Variants in NFIC observed in about 807,000 individuals in gnomAD.
NFIC encodes nuclear factor I C, also known as nuclear factor 1 C-type.
NFIC carries 12 observed loss-of-function variants against 54.4 expected under a neutral mutation model. The observed-to-expected ratio is 0.22, with a 90% confidence interval of 0.14 to 0.36. The LOEUF (loss-of-function observed/expected upper bound fraction) is 0.36, where lower values mean the gene tolerates loss of function less well. Ranked by LOEUF, NFIC falls within the 10% of genes least tolerant of loss-of-function variation. The pLI, the probability that NFIC is intolerant of heterozygous loss-of-function variation, is 1.00. For synonymous variants in NFIC, 322 were observed against 319.2 expected (o/e 1.01, Z -0.09); for missense variants, 575 against 718.2 (o/e 0.80, Z 2.28).
chr19:3,430,244 CT>C (rs869061995), intron 3 of NFIC, among the ~76,000 whole-genome samples: 594 of 142,564 alleles, frequency 4.2e-3, no homozygotes, highest in Non-Finnish European at 4.4e-3. Flanking sequence ...CAGAACCTTT[CT>C]TTTTTTTTTT....
chr19:3,395,985 A>G (rs2081456376), intron 2 of NFIC, among the ~76,000 whole-genome samples: 1 of 152,062 alleles, frequency 6.6e-6, no homozygotes, highest in South Asian at 2.1e-4. Flanking sequence ...CGTAGACAGG[A>G]GGTCTCACTA....
intron 4 of NFIC, 40 bp from the exon 5 acceptor site, chr19:3,434,237 C>T (rs1298921820): frequency 6.3e-7 from 1 of 1,587,370 alleles, no homozygotes. Flanking sequence ...CAGCACTGGG[C>T]ACTGCTTCCT....
chr19:3,385,611 C>T (rs2081284847), intron 2 of NFIC, among the ~76,000 whole-genome samples: 1 of 133,312 alleles, frequency 7.5e-6, no homozygotes, highest in Non-Finnish European at 1.5e-5. Flanking sequence ...CTTGCTCTGT[C>T]TCCCAGGCTG....
chr19:3,377,279 A>G (rs1287375247), intron 1 of NFIC, among the ~76,000 whole-genome samples: 1 of 131,898 alleles, frequency 7.6e-6, no homozygotes, highest in Non-Finnish European at 1.6e-5. Flanking sequence ...GTTTGCAGTG[A>G]GCTGAGATCG....
At chr19:3,456,367 C>A (rs1266060299) in intron 9 of NFIC, among the ~76,000 whole-genome samples, 183 bp from the exon 10 acceptor site, 5 of 152,196 alleles carry the variant, frequency 3.3e-5, no homozygotes, top group African/African-American at 1.2e-4. Context: ...TCCCAAGGAC[C>A]TTGGGCCTTT....
rs781703569 is a variant in NFIC, at chr19:3,392,067, C to CTTTTT, written c.562+9842_562+9846dup. 3.7e-4 allele frequency among the ~76,000 whole-genome samples: 37 copies of CTTTTT among 101,302 alleles called. 2 individuals are homozygous for CTTTTT. Among genetic ancestry groups the CTTTTT allele is most frequent in the Middle Eastern group, 6.6e-3 (1 of 152 alleles). The allele number at this position is 101,302 out of a possible 152,430, so 66.5% of individuals were successfully genotyped here. A position where few individuals can be genotyped will look rare whatever the true frequency, so the allele number is the denominator to read the frequency against. Reference sequence around the variant, plus strand: ...TAGCAATTTAAATGAGATAATAGCTCTTTTTTTTTTTTTTTTTTTTTTGAG... The same window carrying CTTTTT: ...TAGCAATTTAAATGAGATAATAGCTCTTTTTTTTTTTTTTTTTTTTTTTTTTTGAG... On this transcript the variant is annotated intron_variant, in intron 2 of 10. Transcript: ENST00000443272.
At chr19:3,417,446 TC>T (rs2081879337) in intron 2 of NFIC, among the ~76,000 whole-genome samples, 1 of 151,964 alleles carries the variant, frequency 6.6e-6, no homozygotes, top group African/African-American at 2.4e-5. Flanking sequence ...CAGTAAAAAC[TC>T]AGCAGATGGA....
chr19:3,428,524 G>A (rs2082063949), intron 3 of NFIC, among the ~76,000 whole-genome samples: 1 of 151,920 alleles, frequency 6.6e-6, no homozygotes, highest in African/African-American at 2.4e-5. Context: ...GGAAGGACCG[G>A]AACAGGCATG....
intron 1 of NFIC, among the ~76,000 whole-genome samples, chr19:3,372,415 G>A (rs867779241): frequency 2.0e-5 from 3 of 152,280 alleles, no homozygotes; most frequent in Admixed American, 6.5e-5. Context: ...ACATGGGGGT[G>A]CATGGATAAG....
chr19:3,423,167 C>A (rs538190632), intron 2 of NFIC, among the ~76,000 whole-genome samples: 1 of 152,110 alleles, frequency 6.6e-6, no homozygotes, highest in South Asian at 2.1e-4. Flanking sequence ...CACTGCATTC[C>A]AGCCTGGGAG....
Position 3,468,840 on chromosome 19 carries a change from G to C in NFIC, c.*6071G>C, listed in dbSNP as rs185090028. 1 of 152,136 alleles carries C rather than the reference G, an allele frequency of 6.6e-6. No individual in the cohort carries two copies. Among genetic ancestry groups the C allele is most frequent in the Non-Finnish European group, 1.5e-5 (1 of 68,052 alleles). 9.4% of individuals were successfully genotyped at this position (152,136 alleles called of 1,614,324 possible). On this transcript the variant is annotated 3_prime_UTR_variant, in exon 11 of 11. Coordinates refer to ENST00000443272, the MANE Select transcript of NFIC (RefSeq NM_001245002.2). ...ACAAAAATGCTCATGAACCCAATCCGGAGAAGGTTCCAGCAGGTCCCCCAC... is the reference window on the plus strand; with the variant it reads ...ACAAAAATGCTCATGAACCCAATCCCGAGAAGGTTCCAGCAGGTCCCCCAC...
chr19:3,394,011 C>CGCGA (rs1179269485), intron 2 of NFIC, among the ~76,000 whole-genome samples: 3 of 151,220 alleles, frequency 2.0e-5, no homozygotes, highest in African/African-American at 7.3e-5. Flanking sequence ...GGTGCAATCT[C>CGCGA]GGCTCACTGC....
At chr19:3,404,632 G>A (rs2081614351) in intron 2 of NFIC, among the ~76,000 whole-genome samples, 1 of 151,836 alleles carries the variant, frequency 6.6e-6, no homozygotes. Flanking sequence ...CCGGGTGCCC[G>A]AGGCCGGTGC....
chr19:3,448,275 G>A (rs779543128), intron 6 of NFIC, among the ~76,000 whole-genome samples: 1 of 152,182 alleles, frequency 6.6e-6, no homozygotes, highest in African/African-American at 2.4e-5. Flanking sequence ...GTTTCACCAT[G>A]TTGGCCAGGC....
At chr19:3,430,545 C>T (rs1446353743) in intron 3 of NFIC, among the ~76,000 whole-genome samples, 1 of 151,894 alleles carries the variant, frequency 6.6e-6, no homozygotes, top group Non-Finnish European at 1.5e-5. Context: ...CATTTCATCC[C>T]CCCTAAAAGA....
chr19:3,401,405 A>T (rs2081553029), intron 2 of NFIC, among the ~76,000 whole-genome samples: 1 of 152,124 alleles, frequency 6.6e-6, no homozygotes. Flanking sequence ...ACAGAGGCAG[A>T]GGAGGGGGCA....
chr19:3,377,110 C>A (rs929965138), intron 1 of NFIC, among the ~76,000 whole-genome samples: 2 of 151,066 alleles, frequency 1.3e-5, no homozygotes, highest in Non-Finnish European at 3.0e-5. Flanking sequence ...AGGCGGATCA[C>A]GAGGTCAGGA....
chr19:3,384,286 C>G (rs545145866), intron 2 of NFIC, among the ~76,000 whole-genome samples: 102 of 151,998 alleles, frequency 6.7e-4, no homozygotes, highest in African/African-American at 2.4e-3. Flanking sequence ...AGGTTGGCCT[C>G]AAACTCCTGG....
At chr19:3,420,190 G>A (rs887092631) in intron 2 of NFIC, among the ~76,000 whole-genome samples, 7 of 152,020 alleles carry the variant, frequency 4.6e-5, no homozygotes, top group African/African-American at 7.2e-5. Flanking sequence ...ATGTGGTGGC[G>A]TGTACCTGGG....
Sources: allele counts gnomAD v4.1 joint callset (sites outside exome capture counted in the v4.1 genomes callset), GRCh38; gene constraint gnomAD v4.1.1; transcripts MANE v1.5; gene names NCBI Gene and HGNC (gene_info 2026-07-23, HGNC 2026-07-21).